The following SART3 variants were observed in gnomAD, a reference collection of about 807,000 sequenced individuals.
SART3 encodes the protein HIV-1 Tat-interacting protein of 110kDa.
A neutral mutation model predicts 122.3 loss-of-function variants in SART3; 44 were observed. The ratio of observed to expected loss-of-function variants is 0.36; its 90% CI spans 0.28 to 0.46. SART3 has a LOEUF of 0.46. Ranked by LOEUF, SART3 falls within the 20% of genes least tolerant of loss-of-function variation. The pLI is 1.00. For synonymous variants in SART3, 442 were observed against 454.0 expected, an observed-to-expected ratio of 0.97 and a Z score of 0.34; for missense variants, 1,101 against 1,229.0, an observed-to-expected ratio of 0.90 and a Z score of 1.56.
intron 15 of SART3, among the ~76,000 whole-genome samples, chr12:108,528,736 G>A (rs1421962039): frequency 6.6e-6 from 1 of 152,182 alleles, no homozygotes; most frequent in African/African-American, 2.4e-5. Context: ...AGGGGAGGCA[G>A]GCACAGGAAG....
intron 17 of SART3, 90 bp from the exon 18 acceptor site, chr12:108,524,596 G>A (rs1872281115): frequency 1.6e-6 from 2 of 1,214,976 alleles, no homozygotes; most frequent in South Asian, 1.2e-5. Flanking sequence ...CTTCCTCCCG[G>A]AGACCAGCAG....
chr12:108,544,004 G>A (rs1431134768), intron 5 of SART3, among the ~76,000 whole-genome samples: 1 of 152,160 alleles, frequency 6.6e-6, no homozygotes, highest in Non-Finnish European at 1.5e-5. Flanking sequence ...TCCCATAGAG[G>A]AATGATCTAA....
intron 7 of SART3, among the ~76,000 whole-genome samples, 174 bp downstream of exon 7, chr12:108,538,760 T>C (rs945182970): frequency 3.3e-5 from 5 of 152,246 alleles, no homozygotes; most frequent in African/African-American, 1.2e-4. Context: ...TTAGTGACCA[T>C]TTTTAAATAA....
chr12:108,544,638 C>G, intron 4 of SART3, 160 bp from the exon 5 acceptor site: 1 of 937,414 alleles, frequency 1.1e-6, no homozygotes, highest in African/African-American at 1.6e-5. Context: ...GTGATCACAA[C>G]TCACTACAGC....
chr12:108,537,446 G>A (rs1235262331), intron 9 of SART3, 42 bp downstream of exon 9: 1 of 1,490,238 alleles, frequency 6.7e-7, no homozygotes, highest in Middle Eastern at 1.7e-4. Context: ...GTTGTATTAA[G>A]AACATGTTCA....
intron 1 of SART3, chr12:108,560,429 C>T (rs1399432927): frequency 2.7e-5 from 8 of 296,902 alleles, no homozygotes; most frequent in African/African-American, 1.5e-4. Flanking sequence ...TTCATCATCG[C>T]CGTCATTCCT....
rs1243478375 is a variant in SART3 at position 108,523,605 on chromosome 12, A to G, written c.2744T>C (p.Leu915Pro). 6 of 1,614,074 alleles carry G rather than the reference A, an allele frequency of 3.7e-6. No individual in the cohort carries two copies. The highest frequency in any genetic ancestry group is 5.1e-6 in the Non-Finnish European group (6 of 1,180,022). The change falls in exon 19 of 19, where the codon CTA (leucine) becomes CCA (proline). Residue 915 changes from leucine (L) to proline (P), a missense_variant. This residue lies in a region of SART3 where 885 missense variants were observed against 1,080.1 expected (regional missense o/e 0.82). Transcript: ENST00000546815. ...TGGGCGCTGCAGGGCACGAGGCAGTAGAGACAGCTGCGTCCTTCCCTTCCC... is the reference window on the plus strand; with the variant it reads ...TGGGCGCTGCAGGGCACGAGGCAGTGGAGACAGCTGCGTCCTTCCCTTCCC... Reference protein sequence around the residue: ...ARGKGRTQLSLLPRALQRPSA... With the variant: ...ARGKGRTQLSPLPRALQRPSA...
rs1028395809 is a variant in SART3, at chr12:108,525,469, A to G, written c.2511T>C (p.Ala837=). The G allele has an allele frequency of 1.2e-6, 2 of 1,614,206 alleles. No individual in the cohort carries two copies. Among genetic ancestry groups the G allele is most frequent in the East Asian group, 4.5e-5 (2 of 44,888 alleles). ...VKDLRLVTNR[A]GKPKGLAYVE... ...CTCTGACTCTGACCTTTGGTTTGCC[A>G]GCCCGGTTGGTGACCAGCCTGAGGT... Residue 837 remains alanine (A), a synonymous_variant, in exon 17 of 19, where the codon GCT becomes GCC. Coordinates refer to ENST00000546815, the MANE Select transcript of SART3 (RefSeq NM_014706.4).
At chr12:108,560,492 T>C (rs192607861) in intron 1 of SART3, 2 of 391,338 alleles carry the variant, frequency 5.1e-6, no homozygotes, top group African/African-American at 4.1e-5. Flanking sequence ...CTGTTGGACG[T>C]GTGGTTAAGA....
chr12:108,527,594 G>A (rs1241280957), intron 15 of SART3, among the ~76,000 whole-genome samples: 1 of 152,092 alleles, frequency 6.6e-6, no homozygotes, highest in Non-Finnish European at 1.5e-5. Context: ...CTGCCAAACT[G>A]GGAGGCCAGT....
chr12:108,544,975 A>G (rs1160391207), intron 4 of SART3, 164 bp downstream of exon 4: 4 of 787,504 alleles, frequency 5.1e-6, no homozygotes, highest in South Asian at 2.8e-5. Flanking sequence ...GAAGGGGTAT[A>G]AAAAAAGGTT....
chr12:108,557,981 T>C (rs2241319), intron 1 of SART3, among the ~76,000 whole-genome samples: 112,539 of 151,756 alleles, frequency 0.74, 43,610 homozygotes, highest in East Asian at 0.92. Flanking sequence ...CTGGGCAACA[T>C]AGTAAGAACC....
intron 6 of SART3, among the ~76,000 whole-genome samples, chr12:108,540,161 C>T (rs939641627): frequency 6.7e-6 from 1 of 149,432 alleles, no homozygotes; most frequent in Non-Finnish European, 1.5e-5. Flanking sequence ...ATCTTAAAAG[C>T]AGTCAGACAA....
chr12:108,557,744 T>C (rs1288278142), intron 1 of SART3, among the ~76,000 whole-genome samples: 1 of 152,232 alleles, frequency 6.6e-6, no homozygotes, highest in South Asian at 2.1e-4. Context: ...GTCTCCGTAC[T>C]GCTGCACTGA....
chr12:108,528,639 G>A (rs1162672956), intron 15 of SART3, among the ~76,000 whole-genome samples: 2 of 152,198 alleles, frequency 1.3e-5, no homozygotes, highest in Non-Finnish European at 2.9e-5. Flanking sequence ...CTGGAAGCCT[G>A]AGTGAAAGAA....
rs368473714 is a variant in SART3, at chr12:108,536,752, G to A, written c.1343C>T (p.Ala448Val). 3.7e-6 allele frequency: 6 copies of A among 1,613,850 alleles called. No individual in the cohort carries two copies. The highest frequency in any genetic ancestry group is 1.3e-5 in the African/African-American group (1 of 75,012). Residue 448 changes from alanine to valine, a missense_variant, in exon 10 of 19, where the codon GCC (alanine) becomes GTC (valine). Physicochemically the swap from Ala to Val is moderately conservative, Grantham distance 64. Transcript: ENST00000546815. ...SSKELEELRA[A>V]FTRALEYLKQ... ...CAGATACTCCAAGGCACGAGTAAAG[G>A]CGGCCCTCAACTCCTCCAGCTCTTT...
intron 6 of SART3, among the ~76,000 whole-genome samples, chr12:108,541,506 G>GA (rs1385288973): frequency 2.6e-5 from 4 of 151,800 alleles, no homozygotes; most frequent in Admixed American, 1.3e-4. Context: ...AAATCAATTA[G>GA]AAAAAAGATA....
Position 108,549,061 on chromosome 12 carries a change from A to G in SART3, c.439+27T>C, listed in dbSNP as rs562731932. On this transcript the variant is annotated intron_variant, in intron 2 of 18. Coordinates refer to ENST00000546815, the MANE Select transcript of SART3 (RefSeq NM_014706.4). ...ATGTGCAAGCCTTGTTTCTGTTTCT[A>G]AAAGCAGCCTGACTGCTGAAGCTTA... is the stretch of plus-strand genomic sequence containing the variant. The G allele has an allele frequency of 2.9e-5, 47 of 1,613,902 alleles. No individual in the cohort carries two copies. The South Asian group carries it at 4.5e-4, about 15-fold the overall frequency.
intron 9 of SART3, chr12:108,537,126 TGGTTGTTTTCGGGGGGACATGAA>T (rs1438491855): frequency 2.3e-6 from 1 of 432,398 alleles, no homozygotes; most frequent in African/African-American, 2.0e-5. Context: ...AGGGGTTTTC[TGGTTGTTTTCGGGGGGACATGAA>T]GGGGCAAAGG....
Sources: allele counts gnomAD v4.1 joint callset (sites outside exome capture counted in the v4.1 genomes callset), GRCh38; gene constraint gnomAD v4.1.1; regional missense constraint gnomAD v4.1.1; transcripts MANE v1.5; gene names NCBI Gene and HGNC (gene_info 2026-07-23, HGNC 2026-07-21).